The following CYTH3 variants were observed in gnomAD, a reference collection of about 807,000 sequenced individuals.
The protein encoded by CYTH3 is cytohesin 3, also known as cytohesin-3.
CYTH3 carries 23 observed loss-of-function variants against 55.1 expected under a neutral mutation model. The ratio of observed to expected loss-of-function variants is 0.42; its 90% confidence interval spans 0.30 to 0.59. The LOEUF (loss-of-function observed/expected upper bound fraction) is 0.59. CYTH3 is among the 20% of genes least tolerant of loss of function. The pLI, the probability that CYTH3 is intolerant of heterozygous loss-of-function variation, is 0.20. For synonymous variants in CYTH3, 249 were observed against 194.9 expected, an observed-to-expected ratio of 1.28 and a Z score of -2.31; for missense variants, 413 against 524.8, an observed-to-expected ratio of 0.79 and a Z score of 2.08.
intron 1 of CYTH3, among the ~76,000 whole-genome samples, chr7:6,257,285 T>G (rs557237369): frequency 6.6e-6 from 1 of 152,312 alleles, no homozygotes; most frequent in South Asian, 2.1e-4. Context: ...ATTCTTCAAT[T>G]TTCCCATACT....
intron 1 of CYTH3, among the ~76,000 whole-genome samples, chr7:6,199,262 T>C (rs1784006694): frequency 6.6e-6 from 1 of 152,152 alleles, no homozygotes; most frequent in Non-Finnish European, 1.5e-5. Flanking sequence ...AGGTTCAGGT[T>C]TGTAGGAATT....
At chr7:6,214,611 C>G (rs923013117) in intron 1 of CYTH3, among the ~76,000 whole-genome samples, 6 of 152,232 alleles carry the variant, frequency 3.9e-5, no homozygotes, top group Middle Eastern at 6.8e-3. Flanking sequence ...TCCACCTGGC[C>G]TAGGAATGAC....
chr7:6,238,481 T>C (rs1269319531), intron 1 of CYTH3, among the ~76,000 whole-genome samples: 1 of 152,210 alleles, frequency 6.6e-6, no homozygotes, highest in African/African-American at 2.4e-5. Context: ...CACTAAGCTG[T>C]ATGCTTAGTA....
In CYTH3 at chr7:6,170,726, G is replaced by T. The variant is rs1317001826; in HGVS notation, c.712-80C>A. 1.9e-6 allele frequency: 3 copies of T among 1,569,744 alleles called. No homozygotes were observed. The African/African-American group carries it at 4.1e-5, about 21-fold the overall frequency. On this transcript the variant is annotated intron_variant, in intron 8 of 12. Coordinates refer to ENST00000350796, the MANE Select transcript of CYTH3 (RefSeq NM_004227.4). This position sits in a 1 kb window ranked among gnomAD's most constrained non-coding sequence, Gnocchi z 7.8. ...CGGGCAGAAAGCTCAGCGGGACCAGGGCGGCAAGGAGGCTTGGGAGGCGTG... is the reference window on the plus strand; with the variant it reads ...CGGGCAGAAAGCTCAGCGGGACCAGTGCGGCAAGGAGGCTTGGGAGGCGTG...
chr7:6,242,922 A>G (rs1419370311), intron 1 of CYTH3, among the ~76,000 whole-genome samples: 1 of 152,052 alleles, frequency 6.6e-6, no homozygotes, highest in East Asian at 1.9e-4. Context: ...GAGGCCTGGG[A>G]ACAAAAAAAG....
intron 1 of CYTH3, among the ~76,000 whole-genome samples, chr7:6,259,772 T>TATATAAAATATATATATATATAA: frequency 3.3e-5 from 1 of 30,502 alleles, no homozygotes; most frequent in East Asian, 1.3e-3. Flanking sequence ...TATATATATA[T>TATATAAAATATATATATATATAA]TATATATATA....
chr7:6,248,591 C>T (rs1474835790), intron 1 of CYTH3, among the ~76,000 whole-genome samples: 3 of 152,202 alleles, frequency 2.0e-5, no homozygotes, highest in Non-Finnish European at 2.9e-5. Flanking sequence ...GTTGAAGCCG[C>T]GTGTGTCCTC....
intron 1 of CYTH3, among the ~76,000 whole-genome samples, chr7:6,252,533 T>C (rs1779998778): frequency 6.6e-6 from 1 of 152,050 alleles, no homozygotes; most frequent in Non-Finnish European, 1.5e-5. Context: ...TTTAGAGGAG[T>C]GTCATTTTTT....
chr7:6,185,593 G>A lies in CYTH3; in HGVS notation c.249+1457C>T, dbSNP rs537820965. Among the ~76,000 whole-genome samples, 126 of 151,952 alleles carry A rather than the reference G, an allele frequency of 8.3e-4. 1 individual carries two copies. Among genetic ancestry groups the A allele is most frequent in the African/African-American group, 2.9e-3 (120 of 41,354 alleles). On this transcript the variant is annotated intron_variant, in intron 4 of 12. Transcript: ENST00000350796. ...CAGGCACCTGTAGTCCCAGCTACTC[G>A]GGAGGCTGAGGCAGGAGAATGGTGT...
At chr7:6,174,543 T>G (rs1783287777) in intron 5 of CYTH3, among the ~76,000 whole-genome samples, 3 of 140,060 alleles carry the variant, frequency 2.1e-5, no homozygotes, top group Non-Finnish European at 4.7e-5. Context: ...TTGTGGGTTT[T>G]TTTTTTTTTT....
chr7:6,269,153 T>G (rs181534249), intron 1 of CYTH3, among the ~76,000 whole-genome samples: 31 of 152,240 alleles, frequency 2.0e-4, no homozygotes, highest in African/African-American at 7.5e-4. Context: ...CTGGGAAATG[T>G]TGCCTGCAGG....
chr7:6,231,703 CAAAT>C (rs1779394522), intron 1 of CYTH3, among the ~76,000 whole-genome samples: 1 of 152,164 alleles, frequency 6.6e-6, no homozygotes, highest in South Asian at 2.1e-4. Flanking sequence ...TTCATAGAAA[CAAAT>C]AAAAACTTAT....
chr7:6,189,222 C>T lies in CYTH3; in HGVS notation c.117+1227G>A, dbSNP rs1269194628. On this transcript the variant is annotated intron_variant, in intron 2 of 12. Transcript: ENST00000350796. ...CGGTGGCTTTATTCACATGCTTCTC[C>T]TGTGGGACCGCCCTCTACCCCATCC... is the stretch of plus-strand genomic sequence containing the variant. Among the ~76,000 whole-genome samples the T allele has an allele frequency of 2.6e-5, 4 of 152,218 alleles. No homozygotes were observed. In the South Asian group the frequency reaches 8.3e-4, roughly 32 times the overall value.
At chr7:6,246,858 T>C (rs1348420902) in intron 1 of CYTH3, among the ~76,000 whole-genome samples, 1 of 152,262 alleles carries the variant, frequency 6.6e-6, no homozygotes, top group African/African-American at 2.4e-5. Flanking sequence ...CTTAAATTTA[T>C]GTTTACATGA....
intron 1 of CYTH3, among the ~76,000 whole-genome samples, chr7:6,259,813 A>AT (rs1321305490): frequency 1.0e-3 from 26 of 25,436 alleles, no homozygotes; most frequent in African/African-American, 4.5e-3. Context: ...ATATATATAT[A>AT]ATATATATAT....
chr7:6,226,419 A>C (rs959016924), intron 1 of CYTH3, among the ~76,000 whole-genome samples: 4 of 152,188 alleles, frequency 2.6e-5, no homozygotes, highest in African/African-American at 9.7e-5. Context: ...TGAGGAATTT[A>C]ATGTTTAGAT....
intron 1 of CYTH3, among the ~76,000 whole-genome samples, chr7:6,205,875 TAAAAAAAA>T (rs370194149): frequency 2.2e-3 from 63 of 28,086 alleles, no homozygotes; most frequent in Middle Eastern, 0.018. Flanking sequence ...TCCTATCTCT[TAAAAAAAA>T]AAAAAAAAAA....
At chr7:6,246,137 G>C (rs1440127178) in intron 1 of CYTH3, among the ~76,000 whole-genome samples, 1 of 151,756 alleles carries the variant, frequency 6.6e-6, no homozygotes, top group Non-Finnish European at 1.5e-5. Context: ...CTGGAACGCA[G>C]AGACATGATC....
intron 1 of CYTH3, among the ~76,000 whole-genome samples, chr7:6,253,162 A>T (rs1438356113): frequency 3.9e-5 from 6 of 152,130 alleles, no homozygotes; most frequent in Admixed American, 6.5e-5. Context: ...ATAGGATGCA[A>T]ATAATGATAT....
Sources: allele counts gnomAD v4.1 joint callset (sites outside exome capture counted in the v4.1 genomes callset), GRCh38; gene constraint gnomAD v4.1.1; non-coding constraint Gnocchi (gnomAD v3.1); transcripts MANE v1.5; gene names NCBI Gene and HGNC (gene_info 2026-07-23, HGNC 2026-07-21).